ADGRB2: variants seen among roughly 807,000 people sequenced by gnomAD.
ADGRB2 encodes the protein adhesion G protein-coupled receptor B2, also known as brain-specific angiogenesis inhibitor 2.
Under a neutral mutation model 178.7 loss-of-function variants are expected in ADGRB2, and 47 were observed. The observed-to-expected ratio is 0.26, with a 90% CI of 0.21 to 0.34. ADGRB2 has a LOEUF of 0.34. Ranked by LOEUF, ADGRB2 falls within the 10% of genes least tolerant of loss-of-function variation. The pLI, the probability that ADGRB2 is intolerant of heterozygous loss-of-function variation, is 1.00. For missense variants in ADGRB2, 1,584 were observed against 2,180.8 expected (o/e 0.73, Z 5.45); for synonymous variants, 870 against 912.4 (o/e 0.95, Z 0.84).
In ADGRB2 at chr1:31,756,230, G is replaced by T; in HGVS notation, c.607C>A (p.Arg203Ser). 1 of 1,613,584 alleles carries T rather than the reference G, an allele frequency of 6.2e-7. No homozygotes were observed. The highest frequency in any genetic ancestry group is 8.5e-7 in the Non-Finnish European group (1 of 1,179,948). Residue 203 changes from arginine to serine, a missense_variant, in exon 4 of 33, where the codon CGC (arginine) becomes AGC (serine). Arg to Ser is a moderately radical substitution (Grantham distance 110, BLOSUM62 -1). Around this residue, in one of 3 missense-constraint regions of ADGRB2, gnomAD observed 657 missense variants for 847.6 expected, o/e 0.78. Coordinates refer to ENST00000373658, the MANE Select transcript of ADGRB2 (RefSeq NM_001364857.2). The surrounding 1 kb of genome is among the most constrained non-coding windows in gnomAD (Gnocchi z 8.5). ...SSQFTCGVLCRWSEECGRAAG... is the reference protein window; with the variant it reads ...SSQFTCGVLCSWSEECGRAAG... ...GCGCGGCCACACTCCTCACTCCAGC[G>T]GCAGAGCACACCACAGGTGAATTGG...
At chr1:31,732,489 C>T (rs1478240417) in intron 27 of ADGRB2, 28 bp downstream of exon 27, 2 of 1,612,554 alleles carry the variant, frequency 1.2e-6, no homozygotes, top group Admixed American at 3.3e-5. Flanking sequence ...CAGAATCTGC[C>T]CAGGCCCTGC....
rs1006329023 is a variant in ADGRB2, at chr1:31,732,049, G to C, written c.3760+66C>G. 4.4e-6 allele frequency: 7 copies of C among 1,599,260 alleles called. No individual in the cohort carries two copies. In the African/African-American group the frequency reaches 9.4e-5, roughly 21 times the overall value. On this transcript the variant is annotated intron_variant, in intron 28 of 32. Coordinates refer to ENST00000373658, the MANE Select transcript of ADGRB2 (RefSeq NM_001364857.2). ...AACTCCATCAGGGCCTCCCATGATGGGGCTCAAGGCCTCCCCTTCTTCTCC... is the reference window on the plus strand; with the variant it reads ...AACTCCATCAGGGCCTCCCATGATGCGGCTCAAGGCCTCCCCTTCTTCTCC...
At position 31,739,398 on chromosome 1, in the gene ADGRB2, C is replaced by A; in HGVS notation, c.2405G>T (p.Arg802Leu). Residue 802 changes from arginine (R) to leucine (L), a missense_variant, in exon 15 of 33, where the codon CGC (arginine) becomes CTC (leucine). Around this residue, in one of 3 missense-constraint regions of ADGRB2, gnomAD observed 865 missense variants for 1,192.8 expected, o/e 0.73. Transcript: ENST00000373658. ...VPPGPGHSHQRLLPADPDESS... is the reference protein window; with the variant it reads ...VPPGPGHSHQLLLPADPDESS... The stretch of plus-strand genomic sequence containing the variant: ...CTCATCAGGGTCTGCTGGGAGGAGG[C>A]GCTGGTGGGAGTGGCCTGGGCCAGG... The A allele has an allele frequency of 2.6e-6, 4 of 1,548,956 alleles. No homozygotes were observed. Among genetic ancestry groups the A allele is most frequent in the Non-Finnish European group, 2.6e-6 (3 of 1,146,948 alleles).
chr1:31,739,537 C>T lies in ADGRB2; in HGVS notation c.2266G>A (p.Glu756Lys). The change falls in exon 15 of 33, where the codon GAG becomes AAG. Residue 756 changes from glutamate to lysine, a missense_variant. Physicochemically the swap from Glu to Lys is moderately conservative, Grantham distance 56. Around this residue, in one of 3 missense-constraint regions of ADGRB2, gnomAD observed 865 missense variants for 1,192.8 expected, o/e 0.73. Coordinates refer to ENST00000373658, the MANE Select transcript of ADGRB2 (RefSeq NM_001364857.2). Reference protein sequence around the residue: ...RGMKDWVRHSEDRLFLPKEVL... With the variant: ...RGMKDWVRHSKDRLFLPKEVL... ...TCCTTGGGCAGGAAGAGGCGGTCCT[C>T]TGAGTGCCGCACCCAGTCCTTCATG... 1 of 1,613,124 alleles carries T rather than the reference C, an allele frequency of 6.2e-7. No homozygotes were observed. The highest frequency in any genetic ancestry group is 8.5e-7 in the Non-Finnish European group (1 of 1,179,962).
intron 4 of ADGRB2, among the ~76,000 whole-genome samples, chr1:31,748,388 GGA>G (rs1646385026): frequency 6.6e-6 from 1 of 152,230 alleles, no homozygotes; most frequent in African/African-American, 2.4e-5. Context: ...TCAGAGGAGA[GGA>G]GAGGCCAGCA....
Position 31,744,188 on chromosome 1 carries a change from C to A in ADGRB2, c.1087+5G>T. Reference sequence around the variant, plus strand: ...CAGGTGGGGTGGGGAGGAGGATGGGCCTACCTGGGCAGGTGGCTGAATTGT... The same window carrying A: ...CAGGTGGGGTGGGGAGGAGGATGGGACTACCTGGGCAGGTGGCTGAATTGT... On this transcript the variant is annotated splice_donor_5th_base_variant and intron_variant, in intron 6 of 32. Transcript: ENST00000373658. This position sits in a 1 kb window ranked among gnomAD's most constrained non-coding sequence, Gnocchi z 6.7. 6.6e-7 allele frequency: 1 copy of A among 1,524,710 alleles called. No homozygotes were observed. The highest frequency in any genetic ancestry group is 1.2e-5 in the South Asian group (1 of 82,474). 94.4% of individuals were successfully genotyped at this position (1,524,710 alleles called of 1,614,324 possible).
At chr1:31,732,049 G>A (rs1006329023) in intron 28 of ADGRB2, 66 bp downstream of exon 28, 1 of 1,599,260 alleles carries the variant, frequency 6.3e-7, no homozygotes, top group Admixed American at 1.7e-5. Flanking sequence ...TCCCATGATG[G>A]GGCTCAAGGC....
Position 31,735,983 on chromosome 1 carries a change from GC to G in ADGRB2, c.3201-91del. ...TCCCTCAGTCCTCCCAGGCTGCCAT[GC>G]CCGCATCACCAGTGCAGTCTGAGCC... is the stretch of plus-strand genomic sequence containing the variant. On this transcript the variant is annotated intron_variant, in intron 22 of 32. Transcript: ENST00000373658. The surrounding 1 kb of genome is among the most constrained non-coding windows in gnomAD (Gnocchi z 6.0). The G allele has an allele frequency of 3.7e-6, 5 of 1,337,718 alleles. No homozygotes were observed. The highest frequency in any genetic ancestry group is 5.1e-6 in the Non-Finnish European group (5 of 977,022). The allele number at this position is 1,337,718 out of a possible 1,614,324, so 82.9% of individuals were successfully genotyped here.
In ADGRB2 at chr1:31,744,437, AGGT is replaced by A; in HGVS notation, c.923-83_923-81del. 6.6e-7 allele frequency: 1 copy of A among 1,517,642 alleles called. No individual in the cohort carries two copies. The highest frequency in any genetic ancestry group is 8.8e-7 in the Non-Finnish European group (1 of 1,131,170). 94.0% of individuals were successfully genotyped at this position (1,517,642 alleles called of 1,614,324 possible). ...CATAGGGATAGGGGGAGTGGCAGTAAGGTGGGGGCAGGCATCAGAGGGCTCCTC... is the reference window on the plus strand; with the variant it reads ...CATAGGGATAGGGGGAGTGGCAGTAAGGGGGCAGGCATCAGAGGGCTCCTC... On this transcript the variant is annotated intron_variant, in intron 5 of 32. Transcript: ENST00000373658. This position sits in a 1 kb window ranked among gnomAD's most constrained non-coding sequence, Gnocchi z 6.7.
At position 31,759,421 on chromosome 1, in the gene ADGRB2, C is replaced by T; in HGVS notation, c.-190-1910G>A. On this transcript the variant is annotated intron_variant, in intron 1 of 32. Transcript: ENST00000373658. The surrounding 1 kb of genome is among the most constrained non-coding windows in gnomAD (Gnocchi z 4.3). Reference sequence around the variant, plus strand: ...GCATGTCTGAAGCTGGATCTCCCTCCCCTACCCTGCTCCTAGGCTGCTGCT... The same window carrying T: ...GCATGTCTGAAGCTGGATCTCCCTCTCCTACCCTGCTCCTAGGCTGCTGCT... 1 of 777,894 alleles carries T rather than the reference C, an allele frequency of 1.3e-6. No individual in the cohort carries two copies. Among genetic ancestry groups the T allele is most frequent in the South Asian group, 1.3e-5 (1 of 74,460 alleles). The allele number at this position is 777,894 out of a possible 1,614,324, so 48.2% of individuals were successfully genotyped here.
chr1:31,756,864 G>C lies in ADGRB2; in HGVS notation c.22-49C>G. The C allele has an allele frequency of 7.0e-7, 1 of 1,434,074 alleles. No individual in the cohort carries two copies. The highest frequency in any genetic ancestry group is 9.2e-7 in the Non-Finnish European group (1 of 1,084,302). The allele number at this position is 1,434,074 out of a possible 1,614,324, so 88.8% of individuals were successfully genotyped here. On this transcript the variant is annotated intron_variant, in intron 3 of 32. Coordinates refer to ENST00000373658, the MANE Select transcript of ADGRB2 (RefSeq NM_001364857.2). This position sits in a 1 kb window ranked among gnomAD's most constrained non-coding sequence, Gnocchi z 8.5. Reference sequence around the variant, plus strand: ...CGGGCCCCCAGCACAGCCAGCATGGGCTCTGAACCTTCTATGGTGAGCTGC... The same window carrying C: ...CGGGCCCCCAGCACAGCCAGCATGGCCTCTGAACCTTCTATGGTGAGCTGC...
At chr1:31,746,542 C>T (rs988066354) in intron 4 of ADGRB2, among the ~76,000 whole-genome samples, 3 of 152,192 alleles carry the variant, frequency 2.0e-5, no homozygotes, top group African/African-American at 4.8e-5. Flanking sequence ...AGGGGCTCCA[C>T]ATCCGCTGGG....
intron 19 of ADGRB2, 45 bp downstream of exon 19, chr1:31,737,607 C>T (rs1204869216): frequency 1.2e-6 from 2 of 1,611,276 alleles, no homozygotes; most frequent in South Asian, 2.2e-5. Flanking sequence ...ACCTTCTGCG[C>T]CTGCCCCCCC....
At chr1:31,734,058 GGCAGGGGGCCAAGACCT>G (rs1446976494) in intron 25 of ADGRB2, among the ~76,000 whole-genome samples, 1 of 152,210 alleles carries the variant, frequency 6.6e-6, no homozygotes, top group Non-Finnish European at 1.5e-5. Context: ...CAGAGAGATG[GGCAGGGGGCCAAGACCT>G]GCCCTAGGAA....
intron 18 of ADGRB2, 133 bp downstream of exon 18, chr1:31,738,067 C>T (rs1262988846): frequency 5.8e-5 from 78 of 1,347,852 alleles, no homozygotes; most frequent in South Asian, 1.2e-4. Flanking sequence ...CAGACATCCA[C>T]GTACAATCCC....
rs1162339610 is a variant in ADGRB2 at position 31,733,940 on chromosome 1, A to C, written c.3453-797T>G. 6.6e-6 allele frequency among the ~76,000 whole-genome samples: 1 copy of C among 152,144 alleles called. No individual in the cohort carries two copies. The highest frequency in any genetic ancestry group is 1.5e-5 in the Non-Finnish European group (1 of 68,022). On this transcript the variant is annotated intron_variant, in intron 25 of 32. Transcript: ENST00000373658. The surrounding 1 kb of genome is among the most constrained non-coding windows in gnomAD (Gnocchi z 4.3). Reference sequence around the variant, plus strand: ...CATACCCTCCCGGGCCAGGTGCCACACTCAGCCCACTCTCCTTCGCAAACA... The same window carrying C: ...CATACCCTCCCGGGCCAGGTGCCACCCTCAGCCCACTCTCCTTCGCAAACA...
rs1293573499 is a variant in ADGRB2, at chr1:31,744,313, G to A, written c.967C>T (p.Leu323=). 1.9e-6 allele frequency: 3 copies of A among 1,551,386 alleles called. No individual in the cohort carries two copies. In the Admixed American group the frequency reaches 5.9e-5, roughly 30 times the overall value. Reference sequence around the variant, plus strand: ...ACCTGCAGACCCTGCCCACACGTCAGGGAACACACGCTCCACGGGGACCAC... The same window carrying A: ...ACCTGCAGACCCTGCCCACACGTCAAGGAACACACGCTCCACGGGGACCAC... The part of the protein sequence containing the change: ...EEWSPWSVCS[L]TCGQGLQVRT... Residue 323 remains leucine (L), a synonymous_variant, in exon 6 of 33, where the codon CTG becomes TTG. Coordinates refer to ENST00000373658, the MANE Select transcript of ADGRB2 (RefSeq NM_001364857.2). The surrounding 1 kb of genome is among the most constrained non-coding windows in gnomAD (Gnocchi z 6.7).
rs1192525459 is a variant in ADGRB2 at position 31,755,950 on chromosome 1, C to T, written c.838+49G>A. 6.4e-7 allele frequency: 1 copy of T among 1,558,382 alleles called. No individual in the cohort carries two copies. Among genetic ancestry groups the T allele is most frequent in the Non-Finnish European group, 8.7e-7 (1 of 1,148,428 alleles). ...TCTGCCAGGATGGACACCAGGGACACTGTCAGCCCCTGCAGACCCCGCCCC... is the reference window on the plus strand; with the variant it reads ...TCTGCCAGGATGGACACCAGGGACATTGTCAGCCCCTGCAGACCCCGCCCC... On this transcript the variant is annotated intron_variant, in intron 4 of 32. Coordinates refer to ENST00000373658, the MANE Select transcript of ADGRB2 (RefSeq NM_001364857.2). This position sits in a 1 kb window ranked among gnomAD's most constrained non-coding sequence, Gnocchi z 5.1.
Position 31,733,171 on chromosome 1 carries a change from G to A in ADGRB2, c.3453-28C>T, listed in dbSNP as rs771026776. 6.4e-7 allele frequency: 1 copy of A among 1,557,600 alleles called. No individual in the cohort carries two copies. The highest frequency in any genetic ancestry group is 1.2e-5 in the South Asian group (1 of 84,566). ...GAGGGGACAGTGGCAGAGCCCATCA[G>A]AGTGACACTCCGGGGGACAGGATGG... On this transcript the variant is annotated intron_variant, in intron 25 of 32. Transcript: ENST00000373658. The surrounding 1 kb of genome is among the most constrained non-coding windows in gnomAD (Gnocchi z 4.3).
Sources: gnomAD v4.1 joint callset for allele counts (sites outside exome capture counted in the v4.1 genomes callset) on GRCh38, gnomAD v4.1.1 for gene constraint, gnomAD v4.1.1 regional missense constraint, Gnocchi (gnomAD v3.1) non-coding constraint, MANE v1.5 for transcripts, NCBI Gene and HGNC (gene_info 2026-07-23, HGNC 2026-07-21) for gene names.